RUNDC3B: variants seen among roughly 807,000 people sequenced by gnomAD.
The protein encoded by RUNDC3B is RUN domain containing 3B, also known as RUN domain-containing protein 3B.
Under a neutral mutation model 58.4 loss-of-function variants are expected in RUNDC3B, and 33 were observed. The ratio of observed to expected loss-of-function variants is 0.56; its 90% CI spans 0.43 to 0.75. The LOEUF is 0.75. RUNDC3B is among the 30% of genes least tolerant of loss of function. The pLI is 0.00. For missense variants in RUNDC3B, 501 were observed against 535.7 expected, an observed-to-expected ratio of 0.94 and a Z score of 0.64; for synonymous variants, 193 against 195.2, an observed-to-expected ratio of 0.99 and a Z score of 0.10.
At chr7:87,672,492 C>A (rs1825925129) in intron 2 of RUNDC3B, among the ~76,000 whole-genome samples, 1 of 152,102 alleles carries the variant, frequency 6.6e-6, no homozygotes, top group Non-Finnish European at 1.5e-5. Flanking sequence ...GGAAGTGGGG[C>A]CTGTAGGTTT....
intron 8 of RUNDC3B, among the ~76,000 whole-genome samples, chr7:87,796,151 G>C (rs1322777605): frequency 6.6e-6 from 1 of 152,170 alleles, no homozygotes; most frequent in Admixed American, 6.5e-5. Flanking sequence ...CCTGTTATTT[G>C]CAACAACTTG....
chr7:87,628,576 C>T lies in RUNDC3B; in HGVS notation c.-248C>T, dbSNP rs964552478. ...CGGCGCGCCGAGGGCGGAGGTGGTG[C>T]GTGCGTGCGTGTGTGTGTGTGTGTG... is the stretch of plus-strand genomic sequence containing the variant. On this transcript the variant is annotated 5_prime_UTR_variant, in exon 1 of 11. Coordinates refer to ENST00000394654, the MANE Select transcript of RUNDC3B (RefSeq NM_001134405.2). The T allele has an allele frequency of 6.8e-6, 2 of 294,484 alleles. No individual in the cohort carries two copies. Among genetic ancestry groups the T allele is most frequent in the Non-Finnish European group, 1.2e-5 (2 of 173,780 alleles). 18.2% of individuals were successfully genotyped at this position (294,484 alleles called of 1,614,324 possible).
intron 8 of RUNDC3B, among the ~76,000 whole-genome samples, chr7:87,788,285 T>C (rs1584210842): frequency 6.6e-6 from 1 of 152,298 alleles, no homozygotes; most frequent in African/African-American, 2.4e-5. Context: ...TAGTTGGGTG[T>C]GGTGCTGTGT....
intron 9 of RUNDC3B, among the ~76,000 whole-genome samples, chr7:87,809,616 T>C (rs568037042): frequency 6.6e-6 from 1 of 152,334 alleles, no homozygotes; most frequent in South Asian, 2.1e-4. Flanking sequence ...TCTACTCTAA[T>C]GTAATCCTGT....
chr7:87,721,421 AGT>A (rs1454919714), intron 4 of RUNDC3B, among the ~76,000 whole-genome samples: 1 of 152,060 alleles, frequency 6.6e-6, no homozygotes, highest in Non-Finnish European at 1.5e-5. Context: ...CGTATGAGAG[AGT>A]GTGAGAGAAC....
intron 7 of RUNDC3B, among the ~76,000 whole-genome samples, chr7:87,774,469 T>C (rs2130877159): frequency 6.6e-6 from 1 of 152,140 alleles, no homozygotes; most frequent in South Asian, 2.1e-4. Context: ...TGAAATAAAT[T>C]CTAGCAAGAA....
At chr7:87,629,809 C>T (rs1262108125) in intron 1 of RUNDC3B, among the ~76,000 whole-genome samples, 4 of 151,624 alleles carry the variant, frequency 2.6e-5, no homozygotes, top group Non-Finnish European at 5.9e-5. Flanking sequence ...TCCTGTAATC[C>T]CAGCTACTCG....
intron 9 of RUNDC3B, among the ~76,000 whole-genome samples, chr7:87,811,478 C>T (rs889071224): frequency 2.6e-5 from 4 of 151,950 alleles, no homozygotes; most frequent in Non-Finnish European, 2.9e-5. Context: ...GGACTGCAGG[C>T]GCCTGCCACC....
chr7:87,647,966 T>G (rs369444179), intron 1 of RUNDC3B, among the ~76,000 whole-genome samples: 1 of 151,966 alleles, frequency 6.6e-6, no homozygotes, highest in Non-Finnish European at 1.5e-5. Flanking sequence ...AGGTGGATCA[T>G]GAGGTCAAGA....
chr7:87,748,526 T>C (rs1329872703), intron 6 of RUNDC3B, among the ~76,000 whole-genome samples: 2 of 152,206 alleles, frequency 1.3e-5, no homozygotes, highest in Non-Finnish European at 2.9e-5. Context: ...AATCTTTATA[T>C]ACTTCTAAAA....
chr7:87,758,318 A>T (rs549300289), intron 6 of RUNDC3B, among the ~76,000 whole-genome samples: 11 of 152,138 alleles, frequency 7.2e-5, no homozygotes, highest in African/African-American at 2.7e-4. Flanking sequence ...CAAAACCCAG[A>T]CTCAAAAAAA....
intron 8 of RUNDC3B, among the ~76,000 whole-genome samples, chr7:87,786,776 A>G (rs1835246228): frequency 6.6e-6 from 1 of 152,186 alleles, no homozygotes; most frequent in Admixed American, 6.5e-5. Flanking sequence ...TTGAAAGGAA[A>G]CAAAGACTTT....
At chr7:87,778,106 G>T in intron 8 of RUNDC3B, 151 bp downstream of exon 8, 1 of 647,614 alleles carries the variant, frequency 1.5e-6, no homozygotes, top group Admixed American at 3.2e-5. Flanking sequence ...TTATGTTCTT[G>T]TTATTACAGA....
At chr7:87,662,300 G>A (rs1054546186) in intron 2 of RUNDC3B, among the ~76,000 whole-genome samples, 1 of 152,016 alleles carries the variant, frequency 6.6e-6, no homozygotes, top group African/African-American at 2.4e-5. Context: ...CTGTTCTTAT[G>A]GGGTGTCAGT....
chr7:87,711,208 C>G (rs562195893), intron 4 of RUNDC3B, among the ~76,000 whole-genome samples: 148 of 152,054 alleles, frequency 9.7e-4, no homozygotes, highest in Middle Eastern at 3.4e-3. Flanking sequence ...TGCCTGTAAT[C>G]CCAGCTACTC....
At chr7:87,692,480 C>T (rs763768053) in intron 2 of RUNDC3B, among the ~76,000 whole-genome samples, 18 of 152,118 alleles carry the variant, frequency 1.2e-4, no homozygotes, top group Non-Finnish European at 2.2e-4. Flanking sequence ...CACAAAAACC[C>T]TATAAATTGA....
chr7:87,644,644 A>G (rs763068039), intron 1 of RUNDC3B, among the ~76,000 whole-genome samples: 2 of 152,138 alleles, frequency 1.3e-5, no homozygotes, highest in Non-Finnish European at 2.9e-5. Flanking sequence ...AAGAAGATCT[A>G]TTTTATTTGA....
intron 10 of RUNDC3B, among the ~76,000 whole-genome samples, chr7:87,825,532 T>C (rs1837756561): frequency 6.6e-6 from 1 of 151,920 alleles, no homozygotes; most frequent in Non-Finnish European, 1.5e-5. Flanking sequence ...AAATGTGGGG[T>C]CAGAACCCCC....
chr7:87,830,469 AT>A lies in RUNDC3B; in HGVS notation c.*445del, dbSNP rs1838074167. The A allele has an allele frequency of 6.8e-6, 1 of 148,144 alleles. No homozygotes were observed. Among genetic ancestry groups the A allele is most frequent in the African/African-American group, 2.5e-5 (1 of 40,160 alleles). 9.2% of individuals were successfully genotyped at this position (148,144 alleles called of 1,614,324 possible). A position where few individuals can be genotyped will look rare whatever the true frequency, so the allele number is the denominator to read the frequency against. On this transcript the variant is annotated 3_prime_UTR_variant, in exon 11 of 11. Coordinates refer to ENST00000394654, the MANE Select transcript of RUNDC3B (RefSeq NM_001134405.2). ...AAAAAAAAAAAAAAAAGTTAATTTCATTTTTTCATTAATGTCTTCCTAAGTT... is the reference window on the plus strand; with the variant it reads ...AAAAAAAAAAAAAAAAGTTAATTTCATTTTTCATTAATGTCTTCCTAAGTT...
Sources: allele counts gnomAD v4.1 joint callset (sites outside exome capture counted in the v4.1 genomes callset), GRCh38; gene constraint gnomAD v4.1.1; transcripts MANE v1.5; gene names NCBI Gene and HGNC (gene_info 2026-07-23, HGNC 2026-07-21).